MCPH1: variants seen among roughly 807,000 people sequenced by gnomAD.
The protein encoded by MCPH1 is microcephalin 1.
MCPH1 carries 104 observed loss-of-function variants against 84.5 expected under a neutral mutation model. The ratio of observed to expected loss-of-function variants is 1.23; its 90% CI spans 1.05 to 1.45. The LOEUF is 1.45. Ranked by LOEUF, MCPH1 falls within the 40% of genes most tolerant of loss-of-function variation. The pLI, the probability that MCPH1 is intolerant of heterozygous loss-of-function variation, is 0.00. For missense variants in MCPH1, 1,498 were observed against 1,005.7 expected (o/e 1.49, Z -6.62); for synonymous variants, 514 against 366.8 (o/e 1.40, Z -4.58).
intron 11 of MCPH1, among the ~76,000 whole-genome samples, chr8:6,482,356 A>T (rs1025148667): frequency 6.6e-6 from 1 of 152,334 alleles, no homozygotes; most frequent in Middle Eastern, 3.4e-3. Context: ...CTATATATAT[A>T]GGGTTCAGAA....
intron 3 of MCPH1, among the ~76,000 whole-genome samples, chr8:6,418,093 T>G (rs1476922933): frequency 6.6e-6 from 1 of 152,228 alleles, no homozygotes; most frequent in African/African-American, 2.4e-5. Context: ...CTTGAACTTC[T>G]ATACTCAGAA....
chr8:6,531,214 C>T (rs1324365600), intron 12 of MCPH1, among the ~76,000 whole-genome samples: 2 of 151,850 alleles, frequency 1.3e-5, no homozygotes, highest in Non-Finnish European at 2.9e-5. Flanking sequence ...CATCATTTAG[C>T]ATGTCTCTCG....
chr8:6,446,207 T>G lies in MCPH1; in HGVS notation c.1825+660T>G, dbSNP rs760201088. On this transcript the variant is annotated intron_variant, in intron 8 of 13. Transcript: ENST00000344683. Reference sequence around the variant, plus strand: ...ATTATAATAAACCATATCATTTTATTAAAAGTCAAAACAATAAAAAATTTT... The same window carrying G: ...ATTATAATAAACCATATCATTTTATGAAAAGTCAAAACAATAAAAAATTTT... 1.3e-4 allele frequency: 120 copies of G among 915,198 alleles called. 1 individual carries two copies. The highest frequency in any genetic ancestry group is 1.5e-4 in the South Asian group (3 of 19,930). 56.7% of individuals were successfully genotyped at this position (915,198 alleles called of 1,614,324 possible).
chr8:6,505,852 G>A (rs1398484841), intron 12 of MCPH1, among the ~76,000 whole-genome samples: 1 of 133,964 alleles, frequency 7.5e-6, no homozygotes, highest in Middle Eastern at 4.4e-3. Flanking sequence ...CTTTATATAT[G>A]TATATATAAA....
At chr8:6,506,413 C>G (rs537123715) in intron 12 of MCPH1, among the ~76,000 whole-genome samples, 10 of 152,180 alleles carry the variant, frequency 6.6e-5, no homozygotes, top group South Asian at 2.1e-4. Flanking sequence ...TTCTCAGTCC[C>G]TAAATCTTGA....
At chr8:6,427,965 G>C (rs1287578706) in intron 3 of MCPH1, among the ~76,000 whole-genome samples, 1 of 151,748 alleles carries the variant, frequency 6.6e-6, no homozygotes, top group Non-Finnish European at 1.5e-5. Context: ...GCTAATTTTT[G>C]CATTTTTAGT....
intron 2 of MCPH1, among the ~76,000 whole-genome samples, chr8:6,413,316 C>A (rs1014619020): frequency 5.3e-5 from 8 of 151,834 alleles, no homozygotes; most frequent in Non-Finnish European, 1.2e-4. Context: ...CTTGATTACC[C>A]ACTCTTTTAA....
At position 6,444,827 on chromosome 8, in the gene MCPH1, G is replaced by GA. The variant is rs1804042356; in HGVS notation, c.1110dup (p.Cys371MetfsTer36). ...ACATGGCTCCCATTCACCTCCGAAG[G>GA]AAAAATGCAAGAGAAAGAGGAGCAC... On this transcript the variant is annotated frameshift_variant, in exon 8 of 14. Transcript: ENST00000344683. LOFTEE classifies it high-confidence loss of function. 1 of 1,614,152 alleles carries GA rather than the reference G, an allele frequency of 6.2e-7. No homozygotes were observed. Among genetic ancestry groups the GA allele is most frequent in the Non-Finnish European group, 8.5e-7 (1 of 1,180,030 alleles).
At chr8:6,454,206 T>G (rs1034813667) in intron 8 of MCPH1, among the ~76,000 whole-genome samples, 8 of 152,208 alleles carry the variant, frequency 5.3e-5, no homozygotes, top group Non-Finnish European at 1.0e-4. Context: ...ACATTGTCTA[T>G]TGGGTTGTGA....
intron 13 of MCPH1, among the ~76,000 whole-genome samples, chr8:6,640,093 TGTGTGC>T (rs1315368410): frequency 0.013 from 1,818 of 141,766 alleles, 49 homozygotes; most frequent in African/African-American, 0.047. Context: ...TGTGTGTGTG[TGTGTGC>T]GCGCGCGTGT....
rs117432104 is a variant in MCPH1 at position 6,413,120 on chromosome 8, G to C, written c.115-1645G>C. ...AGGTAAAATTTTTGACACCATGAGT[G>C]TCTGAGCATGCCTTTATTATACTGT... On this transcript the variant is annotated intron_variant, in intron 2 of 13. Coordinates refer to ENST00000344683, the MANE Select transcript of MCPH1 (RefSeq NM_024596.5). Among the ~76,000 whole-genome samples, 159 of 152,294 alleles carry C rather than the reference G, an allele frequency of 1.0e-3. 3 individuals are homozygous for C. In the East Asian group the frequency reaches 0.029, roughly 28 times the overall value.
intron 3 of MCPH1, among the ~76,000 whole-genome samples, chr8:6,430,664 G>A (rs948133748): frequency 1.3e-5 from 2 of 152,142 alleles, no homozygotes; most frequent in Admixed American, 6.5e-5. Context: ...GATGTTGAAC[G>A]GTGATAGGCC....
At chr8:6,471,076 T>G (rs541801903) in intron 9 of MCPH1, among the ~76,000 whole-genome samples, 1 of 152,160 alleles carries the variant, frequency 6.6e-6, no homozygotes, top group South Asian at 2.1e-4. Flanking sequence ...TTTGGGGGAA[T>G]GCCTTTTTTG....
chr8:6,514,616 A>T, intron 12 of MCPH1: 1 of 1,461,066 alleles, frequency 6.8e-7, no homozygotes, highest in South Asian at 1.1e-5. Flanking sequence ...GGTTCCGCAG[A>T]TCTTGAAAGC....
chr8:6,457,343 G>T (rs890894320), intron 9 of MCPH1, among the ~76,000 whole-genome samples: 1 of 151,604 alleles, frequency 6.6e-6, no homozygotes, highest in Non-Finnish European at 1.5e-5. Context: ...CTATAATCCC[G>T]GTACTTTGGG....
intron 13 of MCPH1, chr8:6,627,290 A>T: frequency 1.0e-6 from 1 of 985,394 alleles, no homozygotes; most frequent in Non-Finnish European, 1.2e-6. Context: ...AGTCGCAGAG[A>T]GGGGAGGCCA....
chr8:6,447,967 A>C (rs987078328), intron 8 of MCPH1, among the ~76,000 whole-genome samples: 1 of 152,166 alleles, frequency 6.6e-6, no homozygotes. Context: ...GATTGCTAAG[A>C]AGACTAGAAT....
intron 12 of MCPH1, among the ~76,000 whole-genome samples, chr8:6,519,557 A>C (rs1414942718): frequency 6.6e-6 from 1 of 152,222 alleles, no homozygotes; most frequent in Non-Finnish European, 1.5e-5. Context: ...AATGAGTCTG[A>C]CACCTCAGGA....
chr8:6,461,829 A>T (rs1806330226), intron 9 of MCPH1, among the ~76,000 whole-genome samples: 1 of 152,252 alleles, frequency 6.6e-6, no homozygotes, highest in African/African-American at 2.4e-5. Context: ...AACCCAAAGA[A>T]GCTATGTATA....
Sources: allele counts gnomAD v4.1 joint callset (sites outside exome capture counted in the v4.1 genomes callset), GRCh38; gene constraint gnomAD v4.1.1; transcripts MANE v1.5; gene names NCBI Gene and HGNC (gene_info 2026-07-23, HGNC 2026-07-21).